The following ATF6 variants were observed in gnomAD, a reference collection of about 807,000 sequenced individuals.
ATF6 encodes cyclic AMP-dependent transcription factor ATF-6 alpha.
Under a neutral mutation model 83.6 loss-of-function variants are expected in ATF6, and 53 were observed. The observed-to-expected ratio is 0.63, with a 90% CI of 0.51 to 0.80. ATF6 has a LOEUF of 0.80. Among genes scored for constraint, ATF6 ranks in the 30% least tolerant of loss-of-function variants. The probability of loss-of-function intolerance (pLI) is 0.00; values close to 1 mark genes in which losing one functional copy is unlikely to be tolerated. For missense variants in ATF6, 744 were observed against 797.9 expected (o/e 0.93, Z 0.81); for synonymous variants, 288 against 285.8 (o/e 1.01, Z -0.08).
At chr1:161,898,875 C>T (rs1687728867) in intron 14 of ATF6, among the ~76,000 whole-genome samples, 1 of 152,084 alleles carries the variant, frequency 6.6e-6, no homozygotes, top group Non-Finnish European at 1.5e-5. Context: ...TGTATATCCT[C>T]ACTAAATAAG....
chr1:161,900,794 CTTCAGT>C (rs1401726880), intron 14 of ATF6, among the ~76,000 whole-genome samples: 1 of 151,990 alleles, frequency 6.6e-6, no homozygotes, highest in Non-Finnish European at 1.5e-5. Flanking sequence ...AACTAATGAT[CTTCAGT>C]TACACAAGAA....
At chr1:161,837,285 A>C (rs1686244666) in intron 9 of ATF6, among the ~76,000 whole-genome samples, 1 of 152,184 alleles carries the variant, frequency 6.6e-6, no homozygotes, top group African/African-American at 2.4e-5. Context: ...TTTTGTCTCC[A>C]GATTGAGCTG....
chr1:161,818,658 T>A (rs559297103), intron 7 of ATF6, among the ~76,000 whole-genome samples: 2 of 152,258 alleles, frequency 1.3e-5, no homozygotes, highest in East Asian at 3.9e-4. Context: ...GCATTCCAAA[T>A]GGAAATAAAC....
At chr1:161,814,131 G>A (rs535802688) in intron 7 of ATF6, among the ~76,000 whole-genome samples, 70 of 152,088 alleles carry the variant, frequency 4.6e-4, no homozygotes, top group African/African-American at 1.1e-3. Flanking sequence ...TGATCCGCCC[G>A]CCTTGGCCTC....
chr1:161,845,701 A>G (rs1190577990), intron 9 of ATF6, among the ~76,000 whole-genome samples: 1 of 150,274 alleles, frequency 6.7e-6, no homozygotes, highest in Non-Finnish European at 1.5e-5. Context: ...GCTTGAGTCC[A>G]GGAGGTCAAG....
In ATF6 at chr1:161,959,562, T is replaced by C. The variant is rs868537133; in HGVS notation, c.*908T>C. On this transcript the variant is annotated 3_prime_UTR_variant, in exon 16 of 16. Transcript: ENST00000367942. ...ACGGGCGCCTGTAGTCCCAGCTACTTGGGAGGCTGAGGCAGGAGAATGGCG... is the reference window on the plus strand; with the variant it reads ...ACGGGCGCCTGTAGTCCCAGCTACTCGGGAGGCTGAGGCAGGAGAATGGCG... 4.0e-5 allele frequency: 6 copies of C among 149,074 alleles called. No individual in the cohort carries two copies. The highest frequency in any genetic ancestry group is 1.4e-4 in the Admixed American group (2 of 14,706). The allele number at this position is 149,074 out of a possible 1,614,324, so 9.2% of individuals were successfully genotyped here.
At chr1:161,830,892 C>G (rs1046700823) in intron 9 of ATF6, among the ~76,000 whole-genome samples, 37 of 148,434 alleles carry the variant, frequency 2.5e-4, no homozygotes, top group African/African-American at 7.7e-4. Context: ...GCAAGGGCAA[C>G]GACTTCATGT....
chr1:161,869,240 T>C (rs1223457473), intron 14 of ATF6, among the ~76,000 whole-genome samples: 1 of 152,058 alleles, frequency 6.6e-6, no homozygotes, highest in Admixed American at 6.5e-5. Flanking sequence ...ATTTTCTTAA[T>C]GCCTGTTATT....
At chr1:161,813,551 C>T (rs1451432956) in intron 7 of ATF6, among the ~76,000 whole-genome samples, 1 of 152,178 alleles carries the variant, frequency 6.6e-6, no homozygotes, top group East Asian at 1.9e-4. Context: ...ACAACTCTTA[C>T]TAAATATAAT....
chr1:161,933,533 G>A (rs997061182), intron 15 of ATF6, among the ~76,000 whole-genome samples: 7 of 152,202 alleles, frequency 4.6e-5, no homozygotes, highest in African/African-American at 1.4e-4. Context: ...ATGTAAAGAT[G>A]ATTTTAATTT....
chr1:161,933,547 C>T (rs1333867163), intron 15 of ATF6, among the ~76,000 whole-genome samples: 1 of 152,176 alleles, frequency 6.6e-6, no homozygotes, highest in Non-Finnish European at 1.5e-5. Context: ...TTAATTTGAA[C>T]ATGTACAACA....
chr1:161,810,272 T>G lies in ATF6; in HGVS notation c.909+8000T>G, dbSNP rs184104156. ...TGGGGAAGCCTCAGGAAACTTACAATCATGACTGTGGGTGAGGGGGAAGCT... is the reference window on the plus strand; with the variant it reads ...TGGGGAAGCCTCAGGAAACTTACAAGCATGACTGTGGGTGAGGGGGAAGCT... On this transcript the variant is annotated intron_variant, in intron 7 of 15. Transcript: ENST00000367942. Among the ~76,000 whole-genome samples, 494 of 152,260 alleles carry G rather than the reference T, an allele frequency of 3.2e-3. 3 individuals carry two copies. The highest frequency in any genetic ancestry group is 2.9e-3 in the Non-Finnish European group (195 of 68,002).
intron 6 of ATF6, among the ~76,000 whole-genome samples, chr1:161,795,915 C>T (rs922951059): frequency 3.3e-5 from 5 of 152,144 alleles, no homozygotes; most frequent in East Asian, 1.9e-4. Flanking sequence ...TGTGTTGAAC[C>T]CAAACATGCC....
chr1:161,867,365 AAATT>A (rs1687029953), intron 14 of ATF6, among the ~76,000 whole-genome samples: 1 of 152,132 alleles, frequency 6.6e-6, no homozygotes, highest in East Asian at 1.9e-4. Flanking sequence ...TAATATAACA[AAATT>A]AATTCAAGAG....
chr1:161,859,841 T>C (rs1212644207), intron 12 of ATF6, among the ~76,000 whole-genome samples: 2 of 152,166 alleles, frequency 1.3e-5, no homozygotes, highest in East Asian at 3.8e-4. Flanking sequence ...TATGGACTTT[T>C]CATACTTCTT....
At chr1:161,920,869 C>T (rs747628462) in intron 15 of ATF6, among the ~76,000 whole-genome samples, 8 of 152,100 alleles carry the variant, frequency 5.3e-5, no homozygotes, top group Non-Finnish European at 1.2e-4. Context: ...TGAACATAAA[C>T]TGTGTCAACT....
chr1:161,770,769 T>G (rs1276858142), intron 1 of ATF6, among the ~76,000 whole-genome samples: 1 of 152,262 alleles, frequency 6.6e-6, no homozygotes, highest in Non-Finnish European at 1.5e-5. Context: ...GGCAATTATA[T>G]ATAAAACTGC....
intron 13 of ATF6, among the ~76,000 whole-genome samples, chr1:161,862,409 A>T (rs1008623632): frequency 2.0e-5 from 3 of 152,208 alleles, no homozygotes; most frequent in African/African-American, 7.2e-5. Flanking sequence ...ATTGGTCCTA[A>T]ACCCTAGAAA....
In ATF6 at chr1:161,958,925, T is replaced by G. The variant is rs1571264808; in HGVS notation, c.*271T>G. 6.6e-6 allele frequency: 2 copies of G among 302,666 alleles called. No individual in the cohort carries two copies. The highest frequency in any genetic ancestry group is 1.1e-4 in the East Asian group (2 of 17,900). 18.7% of individuals were successfully genotyped at this position (302,666 alleles called of 1,614,324 possible). A position where few individuals can be genotyped will look rare whatever the true frequency, so the allele number is the denominator to read the frequency against. On this transcript the variant is annotated 3_prime_UTR_variant, in exon 16 of 16. Coordinates refer to ENST00000367942, the MANE Select transcript of ATF6 (RefSeq NM_007348.4). Reference sequence around the variant, plus strand: ...TCCAGTGTTACCTGGTGTAGATTTTTTTTTCTGTACCTTTCTAAACCTCTC... The same window carrying G: ...TCCAGTGTTACCTGGTGTAGATTTTGTTTTCTGTACCTTTCTAAACCTCTC...
Sources: gnomAD v4.1 joint callset for allele counts (sites outside exome capture counted in the v4.1 genomes callset) on GRCh38, gnomAD v4.1.1 for gene constraint, MANE v1.5 for transcripts, NCBI Gene and HGNC (gene_info 2026-07-23, HGNC 2026-07-21) for gene names.